The following COL4A4 variants were observed in gnomAD, a reference collection of about 807,000 sequenced individuals.
COL4A4 encodes collagen type IV alpha 4 chain.
COL4A4 carries 105 observed loss-of-function variants against 192.9 expected under a neutral mutation model. The observed-to-expected ratio is 0.54, with a 90% confidence interval of 0.46 to 0.64. COL4A4 has a LOEUF of 0.64. Among genes scored for constraint, COL4A4 ranks in the 30% least tolerant of loss-of-function variants. COL4A4 has a pLI of 0.00. For missense variants in COL4A4, 1,967 were observed against 2,169.3 expected, an observed-to-expected ratio of 0.91 and a Z score of 1.85; for synonymous variants, 762 against 769.9, an observed-to-expected ratio of 0.99 and a Z score of 0.17.
chr2:227,122,516 G>T (rs2061852374), intron 4 of COL4A4, among the ~76,000 whole-genome samples: 1 of 152,174 alleles, frequency 6.6e-6, no homozygotes, highest in African/African-American at 2.4e-5. Context: ...TGCCCCTTGG[G>T]AATGCAGGGC....
the COL4A4 span, among the ~76,000 whole-genome samples, chr2:226,977,507 C>T: frequency 6.6e-6 from 1 of 152,180 alleles, no homozygotes. Context: ...CACAATGCAG[C>T]AATTACAATG....
chr2:227,032,430 A>AT (rs1442920940), intron 38 of COL4A4, among the ~76,000 whole-genome samples, 154 bp from the exon 39 acceptor site: 1 of 152,158 alleles, frequency 6.6e-6, no homozygotes, highest in Non-Finnish European at 1.5e-5. Flanking sequence ...TGTCTGCACC[A>AT]TTTCTCTCTT....
the COL4A4 span, among the ~76,000 whole-genome samples, chr2:226,982,097 T>A: frequency 6.6e-6 from 1 of 152,368 alleles, no homozygotes; most frequent in East Asian, 1.9e-4. Flanking sequence ...TTTTCTTTTC[T>A]TGCCCAGCAA....
intron 34 of COL4A4, among the ~76,000 whole-genome samples, chr2:227,048,358 A>G (rs937137005): frequency 6.6e-6 from 1 of 152,226 alleles, no homozygotes; most frequent in Non-Finnish European, 1.5e-5. Flanking sequence ...GGCCCATTCC[A>G]GGTCAAACAA....
chr2:227,108,772 C>A, intron 11 of COL4A4, 61 bp downstream of exon 11: 1 of 1,552,140 alleles, frequency 6.4e-7, no homozygotes, highest in Non-Finnish European at 8.9e-7. Context: ...TGACAAATAT[C>A]AGTGGTCAAC....
chr2:226,995,036 AAGCCAAACC>A, the COL4A4 span, among the ~76,000 whole-genome samples: 1 of 152,132 alleles, frequency 6.6e-6, no homozygotes, highest in Non-Finnish European at 1.5e-5. Flanking sequence ...TGATCAGAAG[AAGCCAAACC>A]AGCCTAGTTG....
intron 35 of COL4A4, among the ~76,000 whole-genome samples, chr2:227,043,410 C>A (rs1292318497): frequency 6.6e-6 from 1 of 152,184 alleles, no homozygotes; most frequent in African/African-American, 2.4e-5. Flanking sequence ...ATAATACCCA[C>A]AATTTTATAT....
chr2:227,113,301 G>A (rs750707045), intron 8 of COL4A4, among the ~76,000 whole-genome samples: 15 of 152,076 alleles, frequency 9.9e-5, no homozygotes, highest in East Asian at 3.8e-4. Context: ...TCTCTCAAAG[G>A]TTATTGATCT....
In COL4A4 at chr2:227,057,547, C is replaced by T; in HGVS notation, c.2437G>A (p.Gly813Arg). 1 of 1,614,074 alleles carries T rather than the reference C, an allele frequency of 6.2e-7. No homozygotes were observed. The highest frequency in any genetic ancestry group is 8.5e-7 in the Non-Finnish European group (1 of 1,180,008). The change falls in exon 29 of 48, where the codon GGA (glycine) becomes AGA (arginine). Residue 813 changes from glycine to arginine, a missense_variant. Transcript: ENST00000396625. ...LGLKGPKGRE[G>R]HAGFPGVPGP... ...GGGACACCTGGAAACCCAGCATGTC[C>T]CTCTCTGCCTTTGGGACCTTTGAGA...
At chr2:227,126,388 G>A (rs1264322793) in intron 4 of COL4A4, among the ~76,000 whole-genome samples, 1 of 152,174 alleles carries the variant, frequency 6.6e-6, no homozygotes, top group Non-Finnish European at 1.5e-5. Flanking sequence ...TATGCAAAAT[G>A]GCAATGATTC....
Position 227,045,901 on chromosome 2 carries a change from GTA to G in COL4A4, c.3289+1572_3289+1573del, listed in dbSNP as rs1319276266. On this transcript the variant is annotated intron_variant, in intron 35 of 47. Transcript: ENST00000396625. ...ATATATATGTATATATATTTAGATA[GTA>G]TATATATGTATGTATATGTATATGT... Among the ~76,000 whole-genome samples, 18 of 71,532 alleles carry G rather than the reference GTA, an allele frequency of 2.5e-4. 5 individuals carry two copies. Among genetic ancestry groups the G allele is most frequent in the African/African-American group, 6.5e-4 (11 of 16,864 alleles). 46.9% of individuals were successfully genotyped at this position (71,532 alleles called of 152,430 possible). A position where few individuals can be genotyped will look rare whatever the true frequency, so the allele number is the denominator to read the frequency against.
chr2:227,012,133 C>T, intron 45 of COL4A4, 48 bp downstream of exon 45: 1 of 1,440,126 alleles, frequency 6.9e-7, no homozygotes, highest in Non-Finnish European at 9.8e-7. Flanking sequence ...TTGTATACAA[C>T]TCTAAGGTTT....
intron 2 of COL4A4, among the ~76,000 whole-genome samples, chr2:227,145,005 G>A (rs1391484345): frequency 6.6e-6 from 1 of 152,168 alleles, no homozygotes; most frequent in Non-Finnish European, 1.5e-5. Context: ...TAACTGGACT[G>A]GGAGGATGGT....
the COL4A4 span, chr2:226,997,681 A>C: frequency 6.6e-6 from 1 of 152,104 alleles, no homozygotes; most frequent in Non-Finnish European, 1.5e-5. Flanking sequence ...GCTCTGTTTG[A>C]CTTGTCAGAT....
the COL4A4 span, among the ~76,000 whole-genome samples, chr2:226,987,478 CAGTCTCCAGAGA>C: frequency 6.6e-6 from 1 of 152,352 alleles, no homozygotes; most frequent in Admixed American, 6.5e-5. Context: ...GGACAGGCAA[CAGTCTCCAGAGA>C]AGCTGCTCAG....
chr2:227,028,772 C>T (rs1967612923), intron 41 of COL4A4, among the ~76,000 whole-genome samples: 1 of 151,834 alleles, frequency 6.6e-6, no homozygotes, highest in African/African-American at 2.4e-5. Context: ...CCTCTCACCT[C>T]AGCCTCCCGA....
intron 2 of COL4A4, among the ~76,000 whole-genome samples, chr2:227,145,395 C>A (rs772732979): frequency 4.1e-4 from 63 of 152,110 alleles, no homozygotes; most frequent in Non-Finnish European, 6.2e-4. Context: ...TGCAGTGAGC[C>A]GAGATCGTGC....
At chr2:227,095,226 G>A (rs991622244) in intron 19 of COL4A4, among the ~76,000 whole-genome samples, 1 of 152,090 alleles carries the variant, frequency 6.6e-6, no homozygotes, top group Non-Finnish European at 1.5e-5. Flanking sequence ...AAACATATTA[G>A]CATACTTAGT....
chr2:227,119,531 TAA>T (rs1484159582), intron 6 of COL4A4, among the ~76,000 whole-genome samples: 1 of 148,602 alleles, frequency 6.7e-6, no homozygotes, highest in African/African-American at 2.4e-5. Context: ...ATGTAAAATA[TAA>T]GATACATATT....
Sources: allele counts gnomAD v4.1 joint callset (sites outside exome capture counted in the v4.1 genomes callset), GRCh38; gene constraint gnomAD v4.1.1; transcripts MANE v1.5; gene names NCBI Gene and HGNC (gene_info 2026-07-23, HGNC 2026-07-21).